Variants in GRIA2 observed in about 807,000 individuals in gnomAD.
GRIA2 encodes glutamate receptor 2.
Under a neutral mutation model 97.3 loss-of-function variants are expected in GRIA2, and 14 were observed. The ratio of observed to expected loss-of-function variants is 0.14; its 90% CI spans 0.10 to 0.23. GRIA2 has a LOEUF of 0.23. Ranked by LOEUF, GRIA2 falls within the 10% of genes least tolerant of loss-of-function variation. The pLI, the probability that GRIA2 is intolerant of heterozygous loss-of-function variation, is 1.00. For missense variants in GRIA2, 558 were observed against 1,069.8 expected, an observed-to-expected ratio of 0.52 and a Z score of 6.67; for synonymous variants, 412 against 387.8, an observed-to-expected ratio of 1.06 and a Z score of -0.73.
intron 2 of GRIA2, among the ~76,000 whole-genome samples, chr4:157,256,200 A>C: frequency 7.4e-6 from 1 of 134,256 alleles, no homozygotes; most frequent in African/African-American, 2.9e-5. Context: ...AACATATATT[A>C]CATATATATG....
At chr4:157,313,684 G>T (rs1314093772) in intron 4 of GRIA2, among the ~76,000 whole-genome samples, 1 of 151,868 alleles carries the variant, frequency 6.6e-6, no homozygotes, top group Non-Finnish European at 1.5e-5. Flanking sequence ...CTCCTTTACT[G>T]ATATCTGCAT....
intron 6 of GRIA2, among the ~76,000 whole-genome samples, chr4:157,327,964 C>G (rs368896415): frequency 6.6e-6 from 1 of 152,086 alleles, no homozygotes; most frequent in Admixed American, 6.6e-5. Context: ...AGCTGGCAGA[C>G]TGGCGTTCAC....
chr4:157,305,390 C>T (rs555314902), intron 3 of GRIA2, among the ~76,000 whole-genome samples: 2 of 152,076 alleles, frequency 1.3e-5, no homozygotes, highest in South Asian at 2.1e-4. Context: ...TTTTTTTAAT[C>T]CATTTTCTAT....
At chr4:157,276,295 G>C (rs1167804529) in intron 2 of GRIA2, among the ~76,000 whole-genome samples, 1 of 151,776 alleles carries the variant, frequency 6.6e-6, no homozygotes, top group African/African-American at 2.4e-5. Flanking sequence ...ATAATACATG[G>C]GTCAAAGAAG....
At chr4:157,299,316 G>A (rs1035659546) in intron 2 of GRIA2, among the ~76,000 whole-genome samples, 2 of 152,166 alleles carry the variant, frequency 1.3e-5, no homozygotes, top group Admixed American at 1.3e-4. Context: ...AGGAGAGAAG[G>A]AGAGAGGCTT....
intron 12 of GRIA2, 102 bp downstream of exon 12, chr4:157,341,564 C>A (rs781441783): frequency 3.7e-5 from 28 of 763,332 alleles, no homozygotes; most frequent in Middle Eastern, 7.3e-4. Flanking sequence ...TATGTGAAAG[C>A]ACCCCTAATT....
chr4:157,313,686 T>C (rs577753973), intron 4 of GRIA2, among the ~76,000 whole-genome samples: 2 of 152,146 alleles, frequency 1.3e-5, no homozygotes, highest in Admixed American at 6.6e-5. Flanking sequence ...CCTTTACTGA[T>C]ATCTGCATCT....
At chr4:157,276,039 T>C (rs940724451) in intron 2 of GRIA2, among the ~76,000 whole-genome samples, 6 of 152,144 alleles carry the variant, frequency 3.9e-5, no homozygotes, top group Admixed American at 3.9e-4. Flanking sequence ...TTTTATTTCA[T>C]TGAGCAGTGG....
At chr4:157,299,936 G>T (rs1733540134) in intron 2 of GRIA2, among the ~76,000 whole-genome samples, 1 of 152,160 alleles carries the variant, frequency 6.6e-6, no homozygotes, top group Non-Finnish European at 1.5e-5. Context: ...CAGTGTTATT[G>T]TGAAGGTCAT....
chr4:157,248,568 T>TGC (rs1554006747), intron 2 of GRIA2, among the ~76,000 whole-genome samples: 4 of 10,604 alleles, frequency 3.8e-4, no homozygotes, highest in African/African-American at 2.1e-3. Context: ...TATATATACG[T>TGC]GTGTATATAT....
intron 12 of GRIA2, among the ~76,000 whole-genome samples, chr4:157,358,173 C>T (rs1160008324): frequency 6.6e-6 from 1 of 152,096 alleles, no homozygotes; most frequent in African/African-American, 2.4e-5. Context: ...AATGCTATAA[C>T]TAATCTTTCA....
At chr4:157,300,246 A>G (rs1012922039) in intron 2 of GRIA2, among the ~76,000 whole-genome samples, 2 of 152,164 alleles carry the variant, frequency 1.3e-5, no homozygotes, top group African/African-American at 4.8e-5. Flanking sequence ...TGCAGCTAAT[A>G]TTCTTGTGAA....
chr4:157,362,670 A>G (rs1458220879), intron 14 of GRIA2, 129 bp from the exon 15 acceptor site: 3 of 790,708 alleles, frequency 3.8e-6, no homozygotes, highest in African/African-American at 3.5e-5. Flanking sequence ...GAGAAAATCC[A>G]TTGTTTCTCA....
chr4:157,291,827 G>T (rs773117933), intron 2 of GRIA2, among the ~76,000 whole-genome samples: 5 of 151,644 alleles, frequency 3.3e-5, no homozygotes, highest in Non-Finnish European at 2.9e-5. Context: ...CAACCCAAAA[G>T]CTCATAGAAC....
At position 157,363,434 on chromosome 4, in the gene GRIA2, G is replaced by T. The variant is rs944424230; in HGVS notation, c.*4-1G>T. 5 of 1,244,732 alleles carry T rather than the reference G, an allele frequency of 4.0e-6. No homozygotes were observed. The Admixed American group carries it at 1.9e-4, about 48-fold the overall frequency. The allele number at this position is 1,244,732 out of a possible 1,614,324, so 77.1% of individuals were successfully genotyped here. On this transcript the variant is annotated splice_acceptor_variant, in intron 15 of 15. Transcript: ENST00000264426. LOFTEE classifies it low-confidence loss of function (3UTR_SPLICE). ...TTTCTTTCCCTCCTCTCTCATTTAA[G>T]ATGACCTTGAATGATGCCATGAGGA... is the stretch of plus-strand genomic sequence containing the variant.
At chr4:157,354,511 A>G (rs1285184642) in intron 12 of GRIA2, among the ~76,000 whole-genome samples, 1 of 152,184 alleles carries the variant, frequency 6.6e-6, no homozygotes, top group Non-Finnish European at 1.5e-5. Flanking sequence ...ACCATGGAAA[A>G]AGATTTGAAT....
chr4:157,245,355 T>C (rs1410709488), intron 2 of GRIA2, among the ~76,000 whole-genome samples: 1 of 152,132 alleles, frequency 6.6e-6, no homozygotes, highest in Non-Finnish European at 1.5e-5. Context: ...CACTCTGCTT[T>C]TCCTTTCTCT....
Position 157,363,041 on chromosome 4 carries a change from T to G in GRIA2, c.2649T>G (p.Ile883Met), listed in dbSNP as rs776724627. ...YNVYGIESVK[I>M] ...TATATGGCATCGAAAGTGTTAAAAT[T>G]TAGGGGGTAGGAACGAGGCTCTAAT... The change falls in exon 15 of 16, where the codon ATT becomes ATG. Residue 883 changes from isoleucine to methionine, a missense_variant. Physicochemically the swap from Ile to Met is conservative, Grantham distance 10. Coordinates refer to ENST00000264426, the MANE Select transcript of GRIA2 (RefSeq NM_001083619.3). The G allele has an allele frequency of 6.2e-7, 1 of 1,610,162 alleles. No individual in the cohort carries two copies. Among genetic ancestry groups the G allele is most frequent in the Non-Finnish European group, 8.5e-7 (1 of 1,177,500 alleles).
At chr4:157,249,288 T>G (rs1730920363) in intron 2 of GRIA2, among the ~76,000 whole-genome samples, 1 of 152,154 alleles carries the variant, frequency 6.6e-6, no homozygotes, top group Admixed American at 6.6e-5. Flanking sequence ...TCTTAGAACT[T>G]TCCTCTGACT....
Sources: allele counts gnomAD v4.1 joint callset (sites outside exome capture counted in the v4.1 genomes callset), GRCh38; gene constraint gnomAD v4.1.1; transcripts MANE v1.5; gene names NCBI Gene and HGNC (gene_info 2026-07-23, HGNC 2026-07-21).